The following ARHGAP6 variants were observed in gnomAD, a reference collection of about 807,000 sequenced individuals.
The protein encoded by ARHGAP6 is Rho GTPase activating protein 6, also known as rho GTPase-activating protein 6.
A neutral mutation model predicts 55.7 loss-of-function variants in ARHGAP6; 16 were observed. The observed-to-expected ratio is 0.29, with a 90% CI of 0.19 to 0.44. The LOEUF (loss-of-function observed/expected upper bound fraction) is 0.44. Among genes scored for constraint, ARHGAP6 ranks in the 20% least tolerant of loss-of-function variants. The pLI is 1.00. For synonymous variants in ARHGAP6, 382 were observed against 360.9 expected (o/e 1.06, Z -0.66); for missense variants, 698 against 808.9 (o/e 0.86, Z 1.66).
chrX:11,453,471 GA>G (rs931568303), intron 1 of ARHGAP6, among the ~76,000 whole-genome samples: 3 of 108,668 alleles, frequency 2.8e-5, no homozygotes, highest in African/African-American at 1.0e-4. Context: ...TTGAGCACTT[GA>G]AAGAGGTACA....
chrX:11,637,884 G>T (rs1350239520), intron 1 of ARHGAP6, among the ~76,000 whole-genome samples: 1 of 110,915 alleles, frequency 9.0e-6, no homozygotes, highest in Non-Finnish European at 1.9e-5. Flanking sequence ...AAATCGTGAT[G>T]AATTTCTCCT....
chrX:11,139,286 C>A lies in ARHGAP6; in HGVS notation c.2502G>T (p.Thr834=). The A allele has an allele frequency of 8.4e-7, 1 of 1,189,827 alleles. No homozygotes were observed. Among genetic ancestry groups the A allele is most frequent in the Non-Finnish European group, 1.1e-6 (1 of 885,255 alleles). The stretch of plus-strand genomic sequence containing the variant: ...GGGTCAAGTACTGCTCCGACCTGGC[C>A]GTGGGCCGCTCGGCTTTCCCTGCCA... ...VQVAGKAERP[T]ARSEQYLTLS... Residue 834 remains threonine, a synonymous_variant, in exon 13 of 13, where the codon ACG becomes ACT. Transcript: ENST00000337414.
At chrX:11,594,538 G>A (rs1011896878) in intron 1 of ARHGAP6, among the ~76,000 whole-genome samples, 14 of 111,106 alleles carry the variant, frequency 1.3e-4, no homozygotes, top group East Asian at 2.8e-4. Flanking sequence ...TGAGCGTTGC[G>A]TGAGTGAACA....
intron 1 of ARHGAP6, among the ~76,000 whole-genome samples, chrX:11,602,199 C>G (rs918551957): frequency 9.0e-6 from 1 of 111,507 alleles, no homozygotes; most frequent in Non-Finnish European, 1.9e-5. Flanking sequence ...TTCCTAATAT[C>G]ATGACATATC....
At chrX:11,656,620 A>G (rs1425732773) in intron 1 of ARHGAP6, among the ~76,000 whole-genome samples, 1 of 110,436 alleles carries the variant, frequency 9.1e-6, no homozygotes, top group Admixed American at 9.6e-5. Context: ...AATCTCTCTC[A>G]TTGCCCTATC....
chrX:11,236,819 A>G (rs898666491), intron 2 of ARHGAP6, among the ~76,000 whole-genome samples: 2 of 112,285 alleles, frequency 1.8e-5, no homozygotes, highest in African/African-American at 6.5e-5. Flanking sequence ...AGTTCTTTCC[A>G]ATAAGCGCAG....
chrX:11,243,691 C>T (rs2047315192), intron 2 of ARHGAP6, among the ~76,000 whole-genome samples: 1 of 112,354 alleles, frequency 8.9e-6, no homozygotes, highest in Non-Finnish European at 1.9e-5. Flanking sequence ...CTTTGGTCAA[C>T]AGGCCATATA....
Position 11,224,254 on chromosome X carries a change from AAAG to A in ARHGAP6, c.749-27261_749-27259del, listed in dbSNP as rs748884002. The A allele has an allele frequency of 5.7e-5, 9 of 158,524 alleles. No homozygotes were observed. The East Asian group carries it at 6.7e-4, about 12-fold the overall frequency. 13.1% of individuals were successfully genotyped at this position (158,524 alleles called of 1,213,427 possible). Reference sequence around the variant, plus strand: ...ACAGGTGAGCAGAAAGATGAAGAAGAAAGAAGAAGGAGCCGAATACCCTTGAAG... The same window carrying A: ...ACAGGTGAGCAGAAAGATGAAGAAGAAAGAAGGAGCCGAATACCCTTGAAG... On this transcript the variant is annotated intron_variant, in intron 2 of 12. Coordinates refer to ENST00000337414, the MANE Select transcript of ARHGAP6 (RefSeq NM_013427.3).
At chrX:11,448,095 T>C (rs1442753278) in intron 1 of ARHGAP6, among the ~76,000 whole-genome samples, 2 of 112,324 alleles carry the variant, frequency 1.8e-5, no homozygotes, top group African/African-American at 3.2e-5. Flanking sequence ...TCCACCTCAA[T>C]TGGAACAGCT....
intron 5 of ARHGAP6, among the ~76,000 whole-genome samples, chrX:11,183,806 T>G (rs1371345058): frequency 8.9e-6 from 1 of 112,059 alleles, no homozygotes; most frequent in Non-Finnish European, 1.9e-5. Flanking sequence ...GCGGTGTGAT[T>G]TTATAGGGCA....
At chrX:11,594,294 C>A (rs1282104447) in intron 1 of ARHGAP6, among the ~76,000 whole-genome samples, 1 of 102,040 alleles carries the variant, frequency 9.8e-6, no homozygotes, top group Non-Finnish European at 2.0e-5. Context: ...CACTATTGAC[C>A]CTACAGGTCT....
intron 1 of ARHGAP6, among the ~76,000 whole-genome samples, chrX:11,436,267 T>C (rs1359624545): frequency 8.9e-6 from 1 of 112,687 alleles, no homozygotes; most frequent in African/African-American, 3.2e-5. Flanking sequence ...TAACAGATAA[T>C]ATGACAACCT....
intron 1 of ARHGAP6, among the ~76,000 whole-genome samples, chrX:11,583,040 C>T (rs996521353): frequency 8.9e-6 from 1 of 111,950 alleles, no homozygotes; most frequent in Admixed American, 9.5e-5. Context: ...ACTAAATATT[C>T]ACAATAGCTC....
intron 1 of ARHGAP6, among the ~76,000 whole-genome samples, chrX:11,564,791 G>A (rs772658990): frequency 8.9e-6 from 1 of 111,748 alleles, no homozygotes; most frequent in Non-Finnish European, 1.9e-5. Context: ...TGAATCACAT[G>A]ACAAGTAGAA....
intron 1 of ARHGAP6, among the ~76,000 whole-genome samples, chrX:11,551,284 G>A (rs184232323): frequency 1.6e-4 from 18 of 111,747 alleles, no homozygotes; most frequent in Admixed American, 7.6e-4. Context: ...TTTCTATTAT[G>A]TATATTCTAC....
chrX:11,457,038 A>G (rs951861782), intron 1 of ARHGAP6, among the ~76,000 whole-genome samples: 1 of 111,449 alleles, frequency 9.0e-6, no homozygotes, highest in Non-Finnish European at 1.9e-5. Flanking sequence ...CTATCAATAG[A>G]GCGAAGCATA....
At chrX:11,573,123 C>T (rs2051548383) in intron 1 of ARHGAP6, among the ~76,000 whole-genome samples, 1 of 111,094 alleles carries the variant, frequency 9.0e-6, no homozygotes, top group African/African-American at 3.3e-5. Context: ...AATGTTCTAC[C>T]ATTTTGTAGG....
At chrX:11,509,317 G>A (rs1421968678) in intron 1 of ARHGAP6, among the ~76,000 whole-genome samples, 1 of 112,062 alleles carries the variant, frequency 8.9e-6, no homozygotes, top group African/African-American at 3.2e-5. Context: ...GGTGGAAGTA[G>A]AAAAGAAGGG....
At chrX:11,558,834 C>A in intron 1 of ARHGAP6, among the ~76,000 whole-genome samples, 1 of 18,935 alleles carries the variant, frequency 5.3e-5, no homozygotes, top group African/African-American at 3.0e-4. Flanking sequence ...AAGATTCCAT[C>A]TCAAAAAAAA....
Sources: gnomAD v4.1 joint callset for allele counts (sites outside exome capture counted in the v4.1 genomes callset) on GRCh38, gnomAD v4.1.1 for gene constraint, MANE v1.5 for transcripts, NCBI Gene and HGNC (gene_info 2026-07-23, HGNC 2026-07-21) for gene names.